The following EFNA5 variants were observed in gnomAD, a reference collection of about 807,000 sequenced individuals.
The protein encoded by EFNA5 is ephrin-A5.
In EFNA5, 5 loss-of-function variants were observed where a neutral mutation model predicts 22.9. The ratio of observed to expected loss-of-function variants is 0.22; its 90% CI spans 0.11 to 0.46. EFNA5 has a LOEUF of 0.46. Among genes scored for constraint, EFNA5 ranks in the 20% least tolerant of loss-of-function variants. The probability of loss-of-function intolerance (pLI) is 0.99; values close to 1 mark genes in which losing one functional copy is unlikely to be tolerated. For missense variants in EFNA5, 237 were observed against 293.3 expected (o/e 0.81, Z 1.40); for synonymous variants, 113 against 112.2 (o/e 1.01, Z -0.04).
At chr5:107,630,629 G>A (rs1335133859) in intron 1 of EFNA5, among the ~76,000 whole-genome samples, 1 of 151,816 alleles carries the variant, frequency 6.6e-6, no homozygotes, top group Non-Finnish European at 1.5e-5. Flanking sequence ...GTACACTTCT[G>A]TAGACTTTAT....
chr5:107,572,357 A>G (rs1487362013), intron 1 of EFNA5, among the ~76,000 whole-genome samples: 2 of 152,168 alleles, frequency 1.3e-5, no homozygotes, highest in Non-Finnish European at 2.9e-5. Flanking sequence ...TCACCGCCCC[A>G]AACCACAATC....
At chr5:107,508,375 A>ATCCT (rs1747295128) in intron 1 of EFNA5, among the ~76,000 whole-genome samples, 1 of 152,202 alleles carries the variant, frequency 6.6e-6, no homozygotes, top group Non-Finnish European at 1.5e-5. Flanking sequence ...CTGGATAATT[A>ATCCT]TTCACACAGA....
At chr5:107,519,654 G>T (rs113796148) in intron 1 of EFNA5, among the ~76,000 whole-genome samples, 4 of 152,164 alleles carry the variant, frequency 2.6e-5, no homozygotes, top group African/African-American at 9.7e-5. Context: ...GGAGCGAAGC[G>T]ATCCCCTTGG....
intron 2 of EFNA5, among the ~76,000 whole-genome samples, chr5:107,397,085 A>AT (rs1168081880): frequency 0.018 from 2,528 of 142,450 alleles, 55 homozygotes; most frequent in African/African-American, 0.062. Context: ...CCACTCTTTA[A>AT]TTTTTTTTTT....
chr5:107,591,985 TATATA>T (rs1191155467), intron 1 of EFNA5, among the ~76,000 whole-genome samples: 2,390 of 46,558 alleles, frequency 0.051, 125 homozygotes, highest in Non-Finnish European at 0.058. Context: ...TAATATATAA[TATATA>T]ATATATATAA....
intron 2 of EFNA5, among the ~76,000 whole-genome samples, chr5:107,416,952 T>A (rs1439428863): frequency 6.6e-6 from 1 of 152,004 alleles, no homozygotes; most frequent in African/African-American, 2.4e-5. Flanking sequence ...CAGATTTTAG[T>A]CAGAATTTGT....
At chr5:107,403,208 C>T (rs1748129657) in intron 2 of EFNA5, among the ~76,000 whole-genome samples, 1 of 152,150 alleles carries the variant, frequency 6.6e-6, no homozygotes, top group Admixed American at 6.5e-5. Flanking sequence ...AAGAGTTAGA[C>T]ACGATTTCCA....
At chr5:107,436,293 T>C (rs1251666523) in intron 1 of EFNA5, among the ~76,000 whole-genome samples, 2 of 152,198 alleles carry the variant, frequency 1.3e-5, no homozygotes, top group African/African-American at 4.8e-5. Flanking sequence ...TGGCAGAGCC[T>C]AAACAAGACT....
chr5:107,495,555 A>G (rs560061456), intron 1 of EFNA5, among the ~76,000 whole-genome samples: 1 of 152,338 alleles, frequency 6.6e-6, no homozygotes, highest in South Asian at 2.1e-4. Context: ...ATGAATTCTT[A>G]AACTTTTAAC....
At chr5:107,449,104 A>G (rs546782138) in intron 1 of EFNA5, among the ~76,000 whole-genome samples, 1 of 152,166 alleles carries the variant, frequency 6.6e-6, no homozygotes, top group Non-Finnish European at 1.5e-5. Flanking sequence ...AGTTTCACAC[A>G]TGGAACATGC....
At chr5:107,445,309 C>T (rs1350615313) in intron 1 of EFNA5, among the ~76,000 whole-genome samples, 2 of 152,158 alleles carry the variant, frequency 1.3e-5, no homozygotes, top group Non-Finnish European at 2.9e-5. Flanking sequence ...AGGTGTGAGC[C>T]ACCACACCTG....
chr5:107,512,937 AGCTAGTCTTGATGAGGT>A (rs1463855485), intron 1 of EFNA5, among the ~76,000 whole-genome samples: 8 of 152,290 alleles, frequency 5.3e-5, no homozygotes, highest in African/African-American at 1.9e-4. Context: ...TCTCCAAGTG[AGCTAGTCTTGATGAGGT>A]CTCCTTTGAT....
intron 1 of EFNA5, among the ~76,000 whole-genome samples, chr5:107,558,306 CT>C (rs552483604): frequency 4.3e-4 from 65 of 152,090 alleles, no homozygotes; most frequent in African/African-American, 1.3e-3. Context: ...AAGTAACTCG[CT>C]TTTTTTCCTT....
intron 4 of EFNA5, 78 bp downstream of exon 4, chr5:107,387,157 G>T: frequency 9.9e-7 from 1 of 1,012,790 alleles, no homozygotes; most frequent in Non-Finnish European, 1.5e-6. Context: ...AACATGCAGA[G>T]AAGAAGAAAG....
rs545132267 is a variant in EFNA5 at position 107,652,468 on chromosome 5, GC to G, written c.125+18020del. Among the ~76,000 whole-genome samples, 1,094 of 152,200 alleles carry G rather than the reference GC, an allele frequency of 7.2e-3. 3 individuals are homozygous for G. Among genetic ancestry groups the G allele is most frequent in the Non-Finnish European group, 0.012 (827 of 68,014 alleles). On this transcript the variant is annotated intron_variant, in intron 1 of 4. Coordinates refer to ENST00000333274, the MANE Select transcript of EFNA5 (RefSeq NM_001962.3). ...ACACTATTGTTCTAATATATTAGTG[GC>G]CTGAATGAAGCAGAACAGTTTGATG...
intron 1 of EFNA5, among the ~76,000 whole-genome samples, chr5:107,541,365 C>T (rs1433488572): frequency 6.6e-6 from 1 of 152,056 alleles, no homozygotes; most frequent in Non-Finnish European, 1.5e-5. Context: ...TTACTTTTAA[C>T]TCATTAGAAT....
chr5:107,658,394 A>G (rs1750872701), intron 1 of EFNA5, among the ~76,000 whole-genome samples: 1 of 152,140 alleles, frequency 6.6e-6, no homozygotes, highest in Admixed American at 6.6e-5. Context: ...GTCTACAGAG[A>G]CCAAATCTTA....
At chr5:107,569,559 T>TTTTA (rs1313796140) in intron 1 of EFNA5, among the ~76,000 whole-genome samples, 20 of 42,498 alleles carry the variant, frequency 4.7e-4, no homozygotes, top group South Asian at 1.6e-3. Flanking sequence ...ATATATATAT[T>TTTTA]TATATATATA....
chr5:107,561,753 C>T (rs532619632), intron 1 of EFNA5, among the ~76,000 whole-genome samples: 161 of 152,264 alleles, frequency 1.1e-3, no homozygotes, highest in African/African-American at 3.7e-3. Flanking sequence ...AGACTAAATG[C>T]CAAATTTAAT....
Sources: gnomAD v4.1 joint callset for allele counts (sites outside exome capture counted in the v4.1 genomes callset) on GRCh38, gnomAD v4.1.1 for gene constraint, MANE v1.5 for transcripts, NCBI Gene and HGNC (gene_info 2026-07-23, HGNC 2026-07-21) for gene names.